PLPP5: variants seen among roughly 807,000 people sequenced by gnomAD.
PLPP5 encodes diacylglycerol pyrophosphate like 1.
Under a neutral mutation model 23.6 loss-of-function variants are expected in PLPP5, and 29 were observed. The observed-to-expected ratio is 1.23, with a 90% confidence interval of 0.92 to 1.68. The LOEUF (loss-of-function observed/expected upper bound fraction) is 1.68. Among genes scored for constraint, PLPP5 ranks in the 40% most tolerant of loss-of-function variants. The pLI is 0.00. For missense variants in PLPP5, 315 were observed against 332.1 expected (o/e 0.95, Z 0.40); for synonymous variants, 143 against 131.3 (o/e 1.09, Z -0.61).
In PLPP5 at chr8:38,268,475, TC is replaced by T. The variant is rs777199065; in HGVS notation, c.184-15del. 1.9e-6 allele frequency: 3 copies of T among 1,559,584 alleles called. No individual in the cohort carries two copies. Among genetic ancestry groups the T allele is most frequent in the South Asian group, 2.4e-5 (2 of 84,422 alleles). ...AAATGCAATAACCTGAATCAGAATG[TC>T]AGAGGTTAAAAACAATCCAAAAAAA... is the stretch of plus-strand genomic sequence containing the variant. On this transcript the variant is annotated splice_polypyrimidine_tract_variant and intron_variant, in intron 2 of 6. Transcript: ENST00000424479.
intron 4 of PLPP5, 172 bp downstream of exon 4, chr8:38,267,725 C>G (rs768531815): frequency 7.4e-5 from 53 of 712,950 alleles, no homozygotes; most frequent in Non-Finnish European, 1.1e-4. Flanking sequence ...CAGGTGTCAC[C>G]TGGAGGACTG....
intron 3 of PLPP5, 117 bp from the exon 4 acceptor site, chr8:38,268,077 G>A: frequency 6.5e-7 from 1 of 1,531,532 alleles, no homozygotes; most frequent in Non-Finnish European, 8.8e-7. Context: ...CCAGGCCTGG[G>A]CACAAAAATA....
intron 1 of PLPP5, 38 bp from the exon 2 acceptor site, chr8:38,269,028 G>C: frequency 6.5e-7 from 1 of 1,539,456 alleles, no homozygotes; most frequent in Non-Finnish European, 8.7e-7. Context: ...AGGTCGCCTG[G>C]CTTCCTCCCC....
At chr8:38,267,688 G>T in intron 4 of PLPP5, 1 of 636,778 alleles carries the variant, frequency 1.6e-6, no homozygotes. Context: ...CCGTTGGTGG[G>T]AAATGCTGTT....
At position 38,263,590 on chromosome 8, in the gene PLPP5, G is replaced by C. The variant is rs1413789553; in HGVS notation, c.*854C>G. ...GTGTTCAAAATGCACAGCAGTACCAGATGGCTGGACTCAGATAAGATGCAC... is the reference window on the plus strand; with the variant it reads ...GTGTTCAAAATGCACAGCAGTACCACATGGCTGGACTCAGATAAGATGCAC... On this transcript the variant is annotated 3_prime_UTR_variant, in exon 7 of 7. Coordinates refer to ENST00000424479, the MANE Select transcript of PLPP5 (RefSeq NM_001102559.2). The C allele has an allele frequency of 1.0e-6, 1 of 985,222 alleles. No homozygotes were observed. The highest frequency in any genetic ancestry group is 1.7e-5 in the African/African-American group (1 of 57,220). 61.0% of individuals were successfully genotyped at this position (985,222 alleles called of 1,614,324 possible).
At position 38,266,198 on chromosome 8, in the gene PLPP5, G is replaced by C. The variant is rs765352987; in HGVS notation, c.577C>G (p.Leu193Val). The change falls in exon 6 of 7, where the codon CTT (leucine) becomes GTT (valine). Residue 193 changes from leucine to valine, a missense_variant. Coordinates refer to ENST00000424479, the MANE Select transcript of PLPP5 (RefSeq NM_001102559.2). The part of the protein sequence containing the change: ...WRFCAFLSPL[L>V]FAAVIALSRT... ...GACAGTGCAATCACAGCTGCAAAAA[G>C]TAGAGGTGACAGAAAGGCACAGAAC... 1 of 1,613,958 alleles carries C rather than the reference G, an allele frequency of 6.2e-7. No individual in the cohort carries two copies. The highest frequency in any genetic ancestry group is 1.3e-5 in the African/African-American group (1 of 75,054).
chr8:38,264,881 CT>C, intron 6 of PLPP5: 2 of 1,611,746 alleles, frequency 1.2e-6, no homozygotes, highest in Non-Finnish European at 1.7e-6. Flanking sequence ...TAGAATTTTT[CT>C]AACTCAGAAG....
chr8:38,265,111 C>A lies in PLPP5; in HGVS notation c.635-507G>T, dbSNP rs1400111589. 8.4e-6 allele frequency: 5 copies of A among 593,186 alleles called. No homozygotes were observed. The East Asian group carries it at 1.2e-4, about 14-fold the overall frequency. 36.7% of individuals were successfully genotyped at this position (593,186 alleles called of 1,614,324 possible). A position where few individuals can be genotyped will look rare whatever the true frequency, so the allele number is the denominator to read the frequency against. On this transcript the variant is annotated intron_variant, in intron 6 of 6. Transcript: ENST00000424479. ...TGAAACCCTGTCTCTACTAAAAATA[C>A]AAAAATTAGCCGGGCGTGGTGGCAT... is the stretch of plus-strand genomic sequence containing the variant.
At position 38,264,556 on chromosome 8, in the gene PLPP5, T is replaced by C. The variant is rs1455411795; in HGVS notation, c.683A>G (p.Tyr228Cys). 2 of 1,584,212 alleles carry C rather than the reference T, an allele frequency of 1.3e-6. No individual in the cohort carries two copies. Among genetic ancestry groups the C allele is most frequent in the Admixed American group, 3.6e-5 (2 of 55,226 alleles). ...AGTCAGAGGAGGATAATACTGCCGATAGCAGACATAGGCAAATGTCATTCC... is the reference window on the plus strand; with the variant it reads ...AGTCAGAGGAGGATAATACTGCCGACAGCAGACATAGGCAAATGTCATTCC... ...MIGMTFAYVCYRQYYPPLTDA... is the reference protein window; with the variant it reads ...MIGMTFAYVCCRQYYPPLTDA... The change falls in exon 7 of 7, where the codon TAT becomes TGT. Residue 228 changes from tyrosine to cysteine, a missense_variant. Physicochemically the swap from Tyr to Cys is radical, Grantham distance 194. Coordinates refer to ENST00000424479, the MANE Select transcript of PLPP5 (RefSeq NM_001102559.2).
rs1807547328 is a variant in PLPP5 at position 38,266,153 on chromosome 8, G to A, written c.622C>T (p.His208Tyr). Reference protein sequence around the residue: ...IALSRTCDYKHHWQDVLVGSM... With the variant: ...IALSRTCDYKYHWQDVLVGSM... ...GTACTTTGCTTACCTTGCCAGTGAT[G>A]CTTGTAGTCACATGTGCGGGACAGT... The change falls in exon 6 of 7, where the codon CAT (histidine) becomes TAT (tyrosine). Residue 208 changes from histidine to tyrosine, a missense_variant. Transcript: ENST00000424479. 6.2e-7 allele frequency: 1 copy of A among 1,614,020 alleles called. No homozygotes were observed. The highest frequency in any genetic ancestry group is 8.5e-7 in the Non-Finnish European group (1 of 1,179,940).
Position 38,263,564 on chromosome 8 carries a change from G to A in PLPP5, c.*880C>T, listed in dbSNP as rs1014240435. The A allele has an allele frequency of 6.0e-5, 59 of 985,006 alleles. No homozygotes were observed. The highest frequency in any genetic ancestry group is 5.2e-4 in the Middle Eastern group (1 of 1,936). The allele number at this position is 985,006 out of a possible 1,614,324, so 61.0% of individuals were successfully genotyped here. On this transcript the variant is annotated 3_prime_UTR_variant, in exon 7 of 7. Transcript: ENST00000424479. ...AATTCAACAAATTGTTTATGCCCAC[G>A]GTGTTCAAAATGCACAGCAGTACCA...
chr8:38,266,791 C>T (rs900809360), intron 5 of PLPP5, among the ~76,000 whole-genome samples: 5 of 152,124 alleles, frequency 3.3e-5, no homozygotes, highest in Admixed American at 3.3e-4. Flanking sequence ...GGACTTAGTG[C>T]CCCAAAGTTA....
chr8:38,266,127 A>T lies in PLPP5; in HGVS notation c.634+14T>A. 1 of 1,612,898 alleles carries T rather than the reference A, an allele frequency of 6.2e-7. No individual in the cohort carries two copies. Among genetic ancestry groups the T allele is most frequent in the East Asian group, 2.2e-5 (1 of 44,878 alleles). ...GAAATATGCAAGCTTCCATAGCCTG[A>T]GTACTTTGCTTACCTTGCCAGTGAT... On this transcript the variant is annotated intron_variant, in intron 6 of 6. Transcript: ENST00000424479.
chr8:38,267,028 G>C, intron 5 of PLPP5: 1 of 1,398,848 alleles, frequency 7.1e-7, no homozygotes, highest in Non-Finnish European at 9.3e-7. Context: ...CAGGATCTAG[G>C]CAAATAATAT....
At position 38,264,289 on chromosome 8, in the gene PLPP5, G is replaced by A. The variant is rs921678799; in HGVS notation, c.*155C>T. 6.9e-6 allele frequency: 5 copies of A among 719,926 alleles called. No homozygotes were observed. The highest frequency in any genetic ancestry group is 3.6e-5 in the East Asian group (1 of 27,492). The allele number at this position is 719,926 out of a possible 1,614,324, so 44.6% of individuals were successfully genotyped here. On this transcript the variant is annotated 3_prime_UTR_variant, in exon 7 of 7. Coordinates refer to ENST00000424479, the MANE Select transcript of PLPP5 (RefSeq NM_001102559.2). ...CAGCCTCCCAGGTAGCTGGGATTAC[G>A]GCACACAACTCCTGGCTAATTTTTG...
intron 6 of PLPP5, chr8:38,265,629 T>A (rs1807473152): frequency 6.6e-6 from 1 of 152,244 alleles, no homozygotes; most frequent in Non-Finnish European, 1.5e-5. Flanking sequence ...GGTTTCAATA[T>A]GTTGGCCAGG....
intron 5 of PLPP5, chr8:38,266,946 T>A: frequency 1.2e-6 from 1 of 860,620 alleles, no homozygotes; most frequent in Non-Finnish European, 1.6e-6. Context: ...AGGTAAGAAA[T>A]GAAAATGCTT....
rs1478798678 is a variant in PLPP5 at position 38,264,389 on chromosome 8, T to C, written c.*55A>G. On this transcript the variant is annotated 3_prime_UTR_variant, in exon 7 of 7. Coordinates refer to ENST00000424479, the MANE Select transcript of PLPP5 (RefSeq NM_001102559.2). Reference sequence around the variant, plus strand: ...CTCAGGTGATCCACCCTCCTCAGCCTCCCAAAGTGTTGGGATTACAGGCAT... The same window carrying C: ...CTCAGGTGATCCACCCTCCTCAGCCCCCCAAAGTGTTGGGATTACAGGCAT... 2 of 1,410,812 alleles carry C rather than the reference T, an allele frequency of 1.4e-6. No individual in the cohort carries two copies. Among genetic ancestry groups the C allele is most frequent in the Non-Finnish European group, 1.9e-6 (2 of 1,052,072 alleles). 87.4% of individuals were successfully genotyped at this position (1,410,812 alleles called of 1,614,324 possible). A position where few individuals can be genotyped will look rare whatever the true frequency, so the allele number is the denominator to read the frequency against.
At position 38,266,157 on chromosome 8, in the gene PLPP5, G is replaced by C. The variant is rs200587857; in HGVS notation, c.618C>G (p.Tyr206Ter). The change falls in exon 6 of 7, where the codon TAC (tyrosine) becomes TAG (stop). Residue 206 changes from tyrosine to a stop codon, truncating the protein, a stop_gained. Transcript: ENST00000424479. LOFTEE classifies it low-confidence loss of function (END_TRUNC). ...AVIALSRTCD[Y>*]KHHWQDVLVG... The stretch of plus-strand genomic sequence containing the variant: ...TTTGCTTACCTTGCCAGTGATGCTT[G>C]TAGTCACATGTGCGGGACAGTGCAA... 7 of 1,613,984 alleles carry C rather than the reference G, an allele frequency of 4.3e-6. No individual in the cohort carries two copies. Among genetic ancestry groups the C allele is most frequent in the Non-Finnish European group, 5.1e-6 (6 of 1,179,928 alleles).
Sources: gnomAD v4.1 joint callset for allele counts (sites outside exome capture counted in the v4.1 genomes callset) on GRCh38, gnomAD v4.1.1 for gene constraint, MANE v1.5 for transcripts, NCBI Gene and HGNC (gene_info 2026-07-23, HGNC 2026-07-21) for gene names.